Variants in PTPRD observed in about 807,000 individuals in gnomAD.
The protein encoded by PTPRD is receptor-type tyrosine-protein phosphatase delta.
In PTPRD, 34 loss-of-function variants were observed where a neutral mutation model predicts 214.5. The ratio of observed to expected loss-of-function variants is 0.16; its 90% CI spans 0.12 to 0.21. PTPRD has a LOEUF of 0.21. Ranked by LOEUF, PTPRD falls within the 10% of genes least tolerant of loss-of-function variation. The probability of loss-of-function intolerance (pLI) is 1.00; values close to 1 mark genes in which losing one functional copy is unlikely to be tolerated. For missense variants in PTPRD, 2,545 were observed against 2,398.7 expected, an observed-to-expected ratio of 1.06 and a Z score of -1.27; for synonymous variants, 1,128 against 845.7, an observed-to-expected ratio of 1.33 and a Z score of -5.79.
At position 9,445,751 on chromosome 9, in the gene PTPRD, G is replaced by C. The variant is rs576851029; in HGVS notation, c.-236-48269C>G. On this transcript the variant is annotated intron_variant, in intron 8 of 45. Transcript: ENST00000381196. ...CTCTCCTGACACGTGGGAATTATGG[G>C]AACTATAATTCAGGATGAGATTTGG... 5.3e-5 allele frequency among the ~76,000 whole-genome samples: 8 copies of C among 152,192 alleles called. No homozygotes were observed. In the East Asian group the frequency reaches 9.7e-4, roughly 18 times the overall value.
intron 4 of PTPRD, among the ~76,000 whole-genome samples, chr9:9,974,375 A>G (rs767653348): frequency 2.0e-5 from 3 of 152,194 alleles, no homozygotes; most frequent in Admixed American, 1.3e-4. Flanking sequence ...CTATTAAGGA[A>G]ACTGCCCATG....
chr9:9,171,485 G>C (rs1323844003), intron 10 of PTPRD, among the ~76,000 whole-genome samples: 1 of 151,660 alleles, frequency 6.6e-6, no homozygotes, highest in Non-Finnish European at 1.5e-5. Flanking sequence ...AAAAAATGCG[G>C]GAAGTGATTG....
intron 14 of PTPRD, among the ~76,000 whole-genome samples, chr9:8,548,908 C>A (rs1036504780): frequency 2.6e-5 from 4 of 151,800 alleles, no homozygotes; most frequent in African/African-American, 4.8e-5. Context: ...TGAGGCTGGT[C>A]TTGGACTCCT....
intron 8 of PTPRD, among the ~76,000 whole-genome samples, chr9:9,510,115 A>G (rs181043658): frequency 1.3e-5 from 2 of 151,714 alleles, no homozygotes; most frequent in Non-Finnish European, 3.0e-5. Context: ...CCTACTTCCT[A>G]CTGGGAACTT....
At chr9:8,794,586 C>G (rs924675058) in intron 11 of PTPRD, among the ~76,000 whole-genome samples, 3 of 150,598 alleles carry the variant, frequency 2.0e-5, no homozygotes, top group Non-Finnish European at 1.5e-5. Flanking sequence ...TCAAGCAATC[C>G]TCCTGTCTTA....
chr9:8,812,807 A>C (rs2096838391), intron 11 of PTPRD, among the ~76,000 whole-genome samples: 1 of 151,734 alleles, frequency 6.6e-6, no homozygotes, highest in African/African-American at 2.4e-5. Context: ...CCTCAGAAAC[A>C]TTGTTTAGAA....
At chr9:9,831,947 T>C (rs117609045) in intron 5 of PTPRD, among the ~76,000 whole-genome samples, 21 of 152,064 alleles carry the variant, frequency 1.4e-4, no homozygotes, top group Admixed American at 3.3e-4. Context: ...GCGAATCTCA[T>C]TAAGTGGCAT....
chr9:8,508,957 G>C (rs2097605652), intron 21 of PTPRD, among the ~76,000 whole-genome samples: 1 of 150,556 alleles, frequency 6.6e-6, no homozygotes, highest in Admixed American at 6.6e-5. Context: ...TGATGCTTAA[G>C]GTCACAAATA....
chr9:9,466,719 A>G (rs1210357854), intron 8 of PTPRD, among the ~76,000 whole-genome samples: 1 of 152,176 alleles, frequency 6.6e-6, no homozygotes, highest in African/African-American at 2.4e-5. Flanking sequence ...TTTTTCTTAA[A>G]GCAAGTTTCC....
At chr9:10,491,020 GC>G (rs2040027035) in intron 2 of PTPRD, among the ~76,000 whole-genome samples, 1 of 151,986 alleles carries the variant, frequency 6.6e-6, no homozygotes, top group Admixed American at 6.6e-5. Context: ...TATTTGCTTT[GC>G]AAAAATTTGG....
At position 10,337,286 on chromosome 9, in the gene PTPRD, T is replaced by G. The variant is rs117696286; in HGVS notation, c.-545+3677A>C. Among the ~76,000 whole-genome samples the G allele has an allele frequency of 7.2e-3, 1,089 of 151,742 alleles. 6 individuals are homozygous for G. Among genetic ancestry groups the G allele is most frequent in the Non-Finnish European group, 0.01 (702 of 67,798 alleles). ...ATTTTATAATAAATTCCAAATAAAA[T>G]GTTAAAGGGTGAGTATACATGTATA... On this transcript the variant is annotated intron_variant, in intron 3 of 45. Transcript: ENST00000381196.
chr9:8,773,576 G>A (rs1274098349), intron 11 of PTPRD, among the ~76,000 whole-genome samples: 2 of 152,078 alleles, frequency 1.3e-5, no homozygotes, highest in Non-Finnish European at 2.9e-5. Flanking sequence ...TATCCTACTT[G>A]CTCAAAGCTG....
intron 11 of PTPRD, among the ~76,000 whole-genome samples, chr9:8,905,718 G>T (rs2098702990): frequency 7.1e-6 from 1 of 140,302 alleles, no homozygotes; most frequent in Non-Finnish European, 1.5e-5. Flanking sequence ...CAGCCTGGGA[G>T]ACAGAGTGAG....
rs2074900774 is a variant in PTPRD, at chr9:8,528,745, G to A, written c.387C>T (p.Asp129=). Residue 129 remains aspartate (D), a synonymous_variant, in exon 15 of 46, where the codon GAC becomes GAT. Coordinates refer to ENST00000381196, the MANE Select transcript of PTPRD (RefSeq NM_002839.4). The part of the protein sequence containing the change: ...DQIPRGFPTI[D]MGPQLKVVER... ...CAACCACCTTCAACTGTGGGCCCAT[G>A]TCAATGGTAGGGAAGCCCCTGGGAA... is the stretch of plus-strand genomic sequence containing the variant. The A allele has an allele frequency of 6.2e-6, 10 of 1,613,506 alleles. No individual in the cohort carries two copies. The East Asian group carries it at 2.0e-4, about 32-fold the overall frequency.
intron 11 of PTPRD, among the ~76,000 whole-genome samples, chr9:8,943,043 C>T (rs2099043116): frequency 6.6e-6 from 1 of 151,932 alleles, no homozygotes; most frequent in South Asian, 2.1e-4. Context: ...TTATTTACAA[C>T]AGTTACAAAT....
chr9:10,096,385 T>G (rs1167750417), intron 3 of PTPRD, among the ~76,000 whole-genome samples: 1 of 151,826 alleles, frequency 6.6e-6, no homozygotes, highest in African/African-American at 2.4e-5. Flanking sequence ...CTTCTCCACA[T>G]CGTCTCCAGC....
intron 11 of PTPRD, among the ~76,000 whole-genome samples, chr9:8,924,575 C>G (rs1181355852): frequency 6.6e-6 from 1 of 152,106 alleles, no homozygotes; most frequent in African/African-American, 2.4e-5. Context: ...TTTGTCTTGT[C>G]TTAGCATCTC....
chr9:10,013,428 T>G (rs958493941), intron 4 of PTPRD, among the ~76,000 whole-genome samples: 7 of 151,914 alleles, frequency 4.6e-5, no homozygotes, highest in African/African-American at 1.7e-4. Context: ...TTTAAACACT[T>G]AAGACTATAT....
chr9:8,478,603 T>C (rs184836937), intron 30 of PTPRD, among the ~76,000 whole-genome samples: 50 of 152,316 alleles, frequency 3.3e-4, no homozygotes, highest in African/African-American at 1.1e-3. Context: ...TACAACTTGC[T>C]TCTGAACAAC....
Sources: allele counts gnomAD v4.1 joint callset (sites outside exome capture counted in the v4.1 genomes callset), GRCh38; gene constraint gnomAD v4.1.1; transcripts MANE v1.5; gene names NCBI Gene and HGNC (gene_info 2026-07-23, HGNC 2026-07-21).